Variants in CALN1 observed in about 807,000 individuals in gnomAD.
CALN1 encodes the protein calneuron 1.
Under a neutral mutation model 30.6 loss-of-function variants are expected in CALN1, and 17 were observed. The ratio of observed to expected loss-of-function variants is 0.56; its 90% CI spans 0.38 to 0.83. The LOEUF (loss-of-function observed/expected upper bound fraction) is 0.83. Ranked by LOEUF, CALN1 falls within the 40% of genes least tolerant of loss-of-function variation. The probability of loss-of-function intolerance (pLI) is 0.00; values close to 1 mark genes in which losing one functional copy is unlikely to be tolerated. For synonymous variants in CALN1, 156 were observed against 131.4 expected (o/e 1.19, Z -1.28); for missense variants, 291 against 354.9 (o/e 0.82, Z 1.45).
chr7:72,407,003 G>A (rs1035477342), intron 1 of CALN1, among the ~76,000 whole-genome samples: 5 of 152,126 alleles, frequency 3.3e-5, no homozygotes, highest in Non-Finnish European at 5.9e-5. Flanking sequence ...CACTCTTTCA[G>A]GGCTCAGACC....
chr7:72,354,591 G>A (rs1803116257), intron 2 of CALN1, among the ~76,000 whole-genome samples: 1 of 152,188 alleles, frequency 6.6e-6, no homozygotes, highest in South Asian at 2.1e-4. Context: ...CACAAGGATA[G>A]ATGTATAGAG....
At chr7:71,834,854 C>T (rs894825332) in intron 5 of CALN1, among the ~76,000 whole-genome samples, 8 of 152,284 alleles carry the variant, frequency 5.3e-5, no homozygotes, top group South Asian at 2.1e-4. Flanking sequence ...TTCTTTGAGA[C>T]AGCGTCTTAC....
intron 4 of CALN1, among the ~76,000 whole-genome samples, chr7:72,067,382 C>T (rs1804094868): frequency 6.6e-6 from 1 of 151,994 alleles, no homozygotes; most frequent in Non-Finnish European, 1.5e-5. Flanking sequence ...ACTGGGACTA[C>T]AGATGCTATA....
intron 3 of CALN1, among the ~76,000 whole-genome samples, chr7:72,184,970 T>C (rs73355377): frequency 0.012 from 1,813 of 152,054 alleles, 31 homozygotes; most frequent in African/African-American, 0.04. Flanking sequence ...TTTTATTTTA[T>C]TTTAATTTTT....
chr7:72,297,520 T>C (rs1173849572), intron 2 of CALN1, among the ~76,000 whole-genome samples: 5 of 152,150 alleles, frequency 3.3e-5, no homozygotes, highest in African/African-American at 1.2e-4. Context: ...ATGAATAACT[T>C]TGCACTCAAG....
At position 72,239,436 on chromosome 7, in the gene CALN1, T is replaced by C. The variant is rs144676836; in HGVS notation, c.244+39250A>G. ...AAATAAATAAATAAACCAAAGATTC[T>C]GTGACGCTCTGCTGTCTTAGCTTCT... is the stretch of plus-strand genomic sequence containing the variant. On this transcript the variant is annotated intron_variant, in intron 3 of 6. Transcript: ENST00000395275. Among the ~76,000 whole-genome samples, 727 of 152,260 alleles carry C rather than the reference T, an allele frequency of 4.8e-3. 4 individuals are homozygous for C. The highest frequency in any genetic ancestry group is 0.016 in the African/African-American group (651 of 41,560).
At chr7:71,910,108 G>A in intron 5 of CALN1, among the ~76,000 whole-genome samples, 1 of 152,158 alleles carries the variant, frequency 6.6e-6, no homozygotes, top group South Asian at 2.1e-4. Flanking sequence ...GTTATCTCCA[G>A]CTGGCCCCAC....
At chr7:72,224,278 C>G (rs144425785) in intron 3 of CALN1, among the ~76,000 whole-genome samples, 2 of 152,040 alleles carry the variant, frequency 1.3e-5, no homozygotes, top group East Asian at 3.9e-4. Flanking sequence ...AGGTAAAATG[C>G]AAAGGAAACA....
At chr7:72,385,252 C>T (rs1409878644) in intron 2 of CALN1, among the ~76,000 whole-genome samples, 1 of 152,094 alleles carries the variant, frequency 6.6e-6, no homozygotes, top group African/African-American at 2.4e-5. Flanking sequence ...TCTTACAAGG[C>T]TAAACGTTAA....
intron 4 of CALN1, among the ~76,000 whole-genome samples, chr7:72,041,428 G>C (rs920311463): frequency 1.3e-5 from 2 of 151,958 alleles, no homozygotes; most frequent in African/African-American, 4.8e-5. Flanking sequence ...CTGTTGCCCA[G>C]GCTAGAGTGC....
intron 5 of CALN1, among the ~76,000 whole-genome samples, chr7:72,018,076 G>C (rs1352303041): frequency 6.6e-6 from 1 of 151,974 alleles, no homozygotes; most frequent in African/African-American, 2.4e-5. Flanking sequence ...GGTTGCACGG[G>C]GCTTGAGGTC....
At position 72,122,683 on chromosome 7, in the gene CALN1, G is replaced by A. The variant is rs570031040; in HGVS notation, c.245-16389C>T. On this transcript the variant is annotated intron_variant, in intron 3 of 6. Transcript: ENST00000395275. ...TGAGGCTGCAGTGAACTGTGATCAC[G>A]CCGCTGCACTCCAGCCTGGATGACA... Among the ~76,000 whole-genome samples the A allele has an allele frequency of 2.0e-4, 30 of 152,254 alleles. 1 individual carries two copies. The East Asian group carries it at 5.2e-3, about 27-fold the overall frequency.
chr7:72,289,351 G>A (rs182987978), intron 2 of CALN1, among the ~76,000 whole-genome samples: 1 of 152,276 alleles, frequency 6.6e-6, no homozygotes, highest in Admixed American at 6.5e-5. Context: ...AAGCTGGGAG[G>A]CCAATAACTA....
chr7:72,232,065 G>T (rs948720684), intron 3 of CALN1, among the ~76,000 whole-genome samples: 20 of 152,124 alleles, frequency 1.3e-4, no homozygotes, highest in Admixed American at 9.2e-4. Context: ...CTACAGGCTG[G>T]GGCCAAAGGA....
chr7:72,349,016 C>G (rs1802786237), intron 2 of CALN1, among the ~76,000 whole-genome samples: 1 of 151,806 alleles, frequency 6.6e-6, no homozygotes, highest in African/African-American at 2.4e-5. Context: ...GGAAGGCATG[C>G]AAACTAAAAA....
chr7:71,994,597 T>C (rs967156634), intron 5 of CALN1, among the ~76,000 whole-genome samples: 21 of 150,658 alleles, frequency 1.4e-4, no homozygotes, highest in African/African-American at 5.1e-4. Flanking sequence ...CGTTGCCTCA[T>C]GCTAAGGAAA....
At chr7:71,931,062 T>C (rs1354371994) in intron 5 of CALN1, among the ~76,000 whole-genome samples, 1 of 152,188 alleles carries the variant, frequency 6.6e-6, no homozygotes, top group Admixed American at 6.5e-5. Context: ...AGGTACTTAA[T>C]AAGAGAGAAA....
chr7:72,398,239 C>A (rs1290897015), intron 2 of CALN1, among the ~76,000 whole-genome samples: 1 of 152,154 alleles, frequency 6.6e-6, no homozygotes, highest in Non-Finnish European at 1.5e-5. Flanking sequence ...CAGGACCTTC[C>A]GTCACAAGGA....
chr7:71,820,359 C>T (rs1788517829), intron 5 of CALN1, among the ~76,000 whole-genome samples: 1 of 152,162 alleles, frequency 6.6e-6, no homozygotes, highest in Admixed American at 6.6e-5. Context: ...TTTACATCTC[C>T]CTAGAATGTA....
Sources: gnomAD v4.1 joint callset for allele counts (sites outside exome capture counted in the v4.1 genomes callset) on GRCh38, gnomAD v4.1.1 for gene constraint, MANE v1.5 for transcripts, NCBI Gene and HGNC (gene_info 2026-07-23, HGNC 2026-07-21) for gene names.